The following DAB1 variants were observed in gnomAD, a reference collection of about 807,000 sequenced individuals.
DAB1 encodes DAB adaptor protein 1, also known as disabled homolog 1.
In DAB1, 15 loss-of-function variants were observed where a neutral mutation model predicts 64.6. The ratio of observed to expected loss-of-function variants is 0.23; its 90% CI spans 0.16 to 0.36. The LOEUF is 0.36. Among genes scored for constraint, DAB1 ranks in the 10% least tolerant of loss-of-function variants. The pLI is 1.00. For synonymous variants in DAB1, 235 were observed against 251.9 expected (o/e 0.93, Z 0.64); for missense variants, 596 against 706.7 (o/e 0.84, Z 1.78).
intron 4 of DAB1, among the ~76,000 whole-genome samples, chr1:57,092,577 A>G (rs1321962363): frequency 2.0e-5 from 3 of 150,814 alleles, no homozygotes; most frequent in East Asian, 3.9e-4. Flanking sequence ...GGCCTCCCCA[A>G]TCATGTGAAA....
At chr1:58,437,575 T>C (rs1280284951) in intron 3 of DAB1, among the ~76,000 whole-genome samples, 4 of 152,210 alleles carry the variant, frequency 2.6e-5, no homozygotes, top group African/African-American at 7.2e-5. Flanking sequence ...TTTGTGATTA[T>C]TAACATGCTT....
At chr1:57,774,211 T>C (rs1298012051) in intron 6 of DAB1, among the ~76,000 whole-genome samples, 1 of 151,916 alleles carries the variant, frequency 6.6e-6, no homozygotes, top group Non-Finnish European at 1.5e-5. Flanking sequence ...TCTAGTGCTT[T>C]TGTATTAAAT....
chr1:58,488,868 A>T (rs1287407855), intron 3 of DAB1, among the ~76,000 whole-genome samples: 1 of 152,220 alleles, frequency 6.6e-6, no homozygotes, highest in East Asian at 1.9e-4. Flanking sequence ...TATCAGTGAG[A>T]ACATAACATT....
intron 4 of DAB1, among the ~76,000 whole-genome samples, chr1:58,301,738 C>T (rs1662175423): frequency 6.6e-6 from 1 of 152,060 alleles, no homozygotes; most frequent in Admixed American, 6.6e-5. Context: ...TGACTCTGGA[C>T]CCAGATTGCC....
chr1:57,072,197 A>G, intron 5 of DAB1, 86 bp downstream of exon 5: 1 of 1,423,458 alleles, frequency 7.0e-7, no homozygotes, highest in Non-Finnish European at 9.7e-7. Context: ...CATATCTGAG[A>G]GTGGGCCCTC....
chr1:57,331,293 G>A (rs903994091), intron 1 of DAB1, among the ~76,000 whole-genome samples: 1 of 152,080 alleles, frequency 6.6e-6, no homozygotes, highest in African/African-American at 2.4e-5. Flanking sequence ...TGTTTCATGA[G>A]GGCTCTCATG....
chr1:57,890,853 C>A (rs887124059), intron 5 of DAB1, among the ~76,000 whole-genome samples: 4 of 152,290 alleles, frequency 2.6e-5, no homozygotes, highest in Admixed American at 2.6e-4. Flanking sequence ...TGGACTGTAT[C>A]TCTATTCAGT....
Position 57,613,548 on chromosome 1 carries a change from G to A in DAB1, n.625+36044C>T, listed in dbSNP as rs948379211. Among the ~76,000 whole-genome samples the A allele has an allele frequency of 1.8e-4, 28 of 152,294 alleles. No individual in the cohort carries two copies. In the Middle Eastern group the frequency reaches 0.01, roughly 56 times the overall value. ...TTTATGTACTCAGAGCTGTTTAAAT[G>A]CATGCTGTGTCTGCATGATAGATGG... On this transcript the variant is annotated intron_variant and non_coding_transcript_variant, in intron 7 of 20. Transcript: ENST00000485760.
intron 1 of DAB1, among the ~76,000 whole-genome samples, chr1:57,376,210 G>A (rs1381752937): frequency 1.3e-5 from 2 of 152,164 alleles, no homozygotes; most frequent in Admixed American, 6.5e-5. Context: ...GCATTTTTGA[G>A]ACATGCAGCC....
At chr1:58,065,557 G>A (rs1287074589) in intron 5 of DAB1, among the ~76,000 whole-genome samples, 1 of 152,156 alleles carries the variant, frequency 6.6e-6, no homozygotes, top group African/African-American at 2.4e-5. Context: ...GTACTGAAAA[G>A]AAAATGTACT....
intron 4 of DAB1, among the ~76,000 whole-genome samples, chr1:57,110,061 T>C (rs1292276380): frequency 6.6e-6 from 1 of 152,176 alleles, no homozygotes; most frequent in Non-Finnish European, 1.5e-5. Context: ...GAGAGTAGTT[T>C]GCACATGAAC....
chr1:58,074,812 T>G (rs12089265), intron 5 of DAB1, among the ~76,000 whole-genome samples: 13,686 of 151,674 alleles, frequency 0.09, 911 homozygotes, highest in African/African-American at 0.18. Flanking sequence ...AGACTGTGGT[T>G]TAGGGAGATA....
At chr1:58,260,906 GA>G (rs1661033701) in intron 4 of DAB1, among the ~76,000 whole-genome samples, 7 of 152,178 alleles carry the variant, frequency 4.6e-5, no homozygotes, top group Admixed American at 1.3e-4. Flanking sequence ...GGCTTCCCGA[GA>G]GTCCATAAAA....
At chr1:58,195,130 GAGAGAGAGAGAGAC>G (rs953889821) in intron 4 of DAB1, among the ~76,000 whole-genome samples, 24 of 141,298 alleles carry the variant, frequency 1.7e-4, no homozygotes, top group Non-Finnish European at 3.2e-4. Flanking sequence ...CACCAGGAGA[GAGAGAGAGAGAGAC>G]AGAGAGACAG....
intron 3 of DAB1, among the ~76,000 whole-genome samples, chr1:58,492,329 A>G (rs1317106617): frequency 6.6e-6 from 1 of 152,230 alleles, no homozygotes; most frequent in African/African-American, 2.4e-5. Context: ...TCTAAAATTG[A>G]CACCCTAACA....
chr1:57,359,744 C>G (rs1423086173), intron 1 of DAB1, among the ~76,000 whole-genome samples: 2 of 151,998 alleles, frequency 1.3e-5, no homozygotes, highest in South Asian at 4.1e-4. Flanking sequence ...CAATGTAATA[C>G]TATTCAGCCA....
At chr1:57,154,153 A>G (rs147017034) in intron 2 of DAB1, among the ~76,000 whole-genome samples, 1 of 152,216 alleles carries the variant, frequency 6.6e-6, no homozygotes, top group Non-Finnish European at 1.5e-5. Context: ...AACTTATTCT[A>G]TTTTTTGTAC....
chr1:57,506,050 C>T (rs1352791754), intron 7 of DAB1, among the ~76,000 whole-genome samples: 3 of 152,148 alleles, frequency 2.0e-5, no homozygotes, highest in Non-Finnish European at 1.5e-5. Context: ...TTTCATTCTG[C>T]CTTTGCTGAA....
intron 5 of DAB1, among the ~76,000 whole-genome samples, chr1:57,919,024 G>T (rs979481346): frequency 3.9e-5 from 6 of 152,196 alleles, no homozygotes. Context: ...CCTCATAAGG[G>T]TAGGTGGTGC....
Sources: allele counts gnomAD v4.1 joint callset (sites outside exome capture counted in the v4.1 genomes callset), GRCh38; gene constraint gnomAD v4.1.1; transcripts MANE v1.5; gene names NCBI Gene and HGNC (gene_info 2026-07-23, HGNC 2026-07-21).